ZNF407: variants seen among roughly 807,000 people sequenced by gnomAD.
ZNF407 encodes zinc finger protein 407.
ZNF407 carries 17 observed loss-of-function variants against 131.2 expected under a neutral mutation model. The ratio of observed to expected loss-of-function variants is 0.13; its 90% CI spans 0.09 to 0.19. The LOEUF is 0.19. Among genes scored for constraint, ZNF407 ranks in the 10% least tolerant of loss-of-function variants. The pLI is 1.00. For missense variants in ZNF407, 2,681 were observed against 2,830.6 expected (o/e 0.95, Z 1.20); for synonymous variants, 1,156 against 1,062.0 (o/e 1.09, Z -1.72).
intron 3 of ZNF407, among the ~76,000 whole-genome samples, chr18:74,764,811 TAATA>T (rs1969191194): frequency 6.6e-6 from 1 of 152,222 alleles, no homozygotes; most frequent in African/African-American, 2.4e-5. Context: ...AACAACCAGT[TAATA>T]AATATTGTAT....
chr18:74,649,576 A>G (rs1486355312), intron 3 of ZNF407, among the ~76,000 whole-genome samples: 21 of 152,224 alleles, frequency 1.4e-4, no homozygotes, highest in Admixed American at 1.4e-3. Context: ...TATTTTAAAA[A>G]TAGGGTTTTA....
rs1268122345 is a variant in ZNF407, at chr18:75,048,009, A to G, written c.5429-15141A>G. Among the ~76,000 whole-genome samples, 1 of 152,248 alleles carries G rather than the reference A, an allele frequency of 6.6e-6. No individual in the cohort carries two copies. Among genetic ancestry groups the G allele is most frequent in the Non-Finnish European group, 1.5e-5 (1 of 68,040 alleles). On this transcript the variant is annotated intron_variant, in intron 8 of 8. Transcript: ENST00000299687. This position sits in a 1 kb window ranked among gnomAD's most constrained non-coding sequence, Gnocchi z 4.1. Reference sequence around the variant, plus strand: ...CTGCCTTTCTTTTCTTCGTTATAGTAATGAAGCCACTAATCAGACAGCCTT... The same window carrying G: ...CTGCCTTTCTTTTCTTCGTTATAGTGATGAAGCCACTAATCAGACAGCCTT...
intron 8 of ZNF407, among the ~76,000 whole-genome samples, chr18:75,059,066 G>A (rs1973594981): frequency 6.6e-6 from 1 of 152,170 alleles, no homozygotes; most frequent in South Asian, 2.1e-4. Flanking sequence ...CGTGTGCGGA[G>A]GTGAGGACAT....
intron 4 of ZNF407, among the ~76,000 whole-genome samples, chr18:74,868,194 G>A (rs1971039735): frequency 6.6e-6 from 1 of 152,192 alleles, no homozygotes; most frequent in Non-Finnish European, 1.5e-5. Flanking sequence ...TAGGTATATA[G>A]CTTGAAGCAC....
intron 1 of ZNF407, among the ~76,000 whole-genome samples, chr18:74,614,085 A>G (rs755663527): frequency 1.3e-5 from 2 of 152,220 alleles, no homozygotes; most frequent in Non-Finnish European, 2.9e-5. Flanking sequence ...CACTTATAAA[A>G]TGAGGAATAG....
chr18:74,860,020 A>G (rs574417360), intron 4 of ZNF407, among the ~76,000 whole-genome samples: 1 of 152,324 alleles, frequency 6.6e-6, no homozygotes, highest in South Asian at 2.1e-4. Flanking sequence ...TTAAAAGAGA[A>G]TATGGCCAGG....
chr18:74,863,251 C>T (rs868772375), intron 4 of ZNF407, among the ~76,000 whole-genome samples: 9 of 151,292 alleles, frequency 5.9e-5, no homozygotes, highest in African/African-American at 2.4e-5. Context: ...GTATTTCATA[C>T]TTCCACCTCT....
intron 3 of ZNF407, among the ~76,000 whole-genome samples, chr18:74,688,262 T>C (rs949749794): frequency 2.6e-5 from 4 of 152,210 alleles, no homozygotes; most frequent in Non-Finnish European, 4.4e-5. Context: ...TTGAATGTTA[T>C]GCTAGCTACT....
intron 4 of ZNF407, among the ~76,000 whole-genome samples, chr18:74,783,613 T>C (rs1180746182): frequency 6.6e-6 from 1 of 152,146 alleles, no homozygotes; most frequent in Non-Finnish European, 1.5e-5. Context: ...TTCTTTAATA[T>C]TTATTTCTGT....
At chr18:74,620,344 T>G (rs1160151731) in intron 1 of ZNF407, among the ~76,000 whole-genome samples, 1 of 152,200 alleles carries the variant, frequency 6.6e-6, no homozygotes, top group African/African-American at 2.4e-5. Context: ...TACATCTGCA[T>G]GAAGAGTGCT....
intron 8 of ZNF407, among the ~76,000 whole-genome samples, chr18:74,953,499 T>C (rs904886287): frequency 5.3e-5 from 8 of 152,204 alleles, no homozygotes; most frequent in African/African-American, 1.7e-4. Flanking sequence ...TTGGATTTTT[T>C]TAAACTTCCA....
At chr18:74,822,621 T>C (rs953220360) in intron 4 of ZNF407, among the ~76,000 whole-genome samples, 1 of 152,208 alleles carries the variant, frequency 6.6e-6, no homozygotes, top group African/African-American at 2.4e-5. Flanking sequence ...TCCATTGGTC[T>C]ATATCTCTGT....
At chr18:74,615,925 A>G (rs913815545) in intron 1 of ZNF407, among the ~76,000 whole-genome samples, 5 of 152,026 alleles carry the variant, frequency 3.3e-5, no homozygotes, top group East Asian at 3.9e-4. Flanking sequence ...GTGCAATGGC[A>G]TGATCTCGGC....
chr18:74,823,601 A>C (rs1421949495), intron 4 of ZNF407, among the ~76,000 whole-genome samples: 2 of 152,244 alleles, frequency 1.3e-5, no homozygotes, highest in African/African-American at 4.8e-5. Context: ...AACAAAGATC[A>C]AAAGAGACAA....
intron 4 of ZNF407, among the ~76,000 whole-genome samples, chr18:74,847,819 T>G (rs1970722614): frequency 6.6e-6 from 1 of 151,712 alleles, no homozygotes; most frequent in South Asian, 2.1e-4. Flanking sequence ...TAATCATGTT[T>G]ATTCTATGAT....
chr18:74,697,490 T>C (rs6566088), intron 3 of ZNF407, among the ~76,000 whole-genome samples: 9 of 152,292 alleles, frequency 5.9e-5, no homozygotes, highest in African/African-American at 2.2e-4. Flanking sequence ...GTCTCTGAGC[T>C]TAAATTATTT....
chr18:74,803,432 A>G (rs1398249107), intron 4 of ZNF407, among the ~76,000 whole-genome samples: 1 of 152,210 alleles, frequency 6.6e-6, no homozygotes, highest in African/African-American at 2.4e-5. Flanking sequence ...GGACCTGGTT[A>G]TCAATGGGCA....
At chr18:74,785,705 C>T (rs1969690361) in intron 4 of ZNF407, among the ~76,000 whole-genome samples, 1 of 152,112 alleles carries the variant, frequency 6.6e-6, no homozygotes, top group South Asian at 2.1e-4. Flanking sequence ...ATGAAAATAT[C>T]TGAAACAGCA....
rs1970171429 is a variant in ZNF407 at position 74,810,001 on chromosome 18, G to A, written c.4877+28499G>A. Among the ~76,000 whole-genome samples, 5 of 152,330 alleles carry A rather than the reference G, an allele frequency of 3.3e-5. No individual in the cohort carries two copies. The South Asian group carries it at 8.3e-4, about 25-fold the overall frequency. ...GCCTTTAACTGAGATGCAAAAGACT[G>A]TGAGAGGAACTCATTTTGAGCAGTC... is the stretch of plus-strand genomic sequence containing the variant. On this transcript the variant is annotated intron_variant, in intron 4 of 8. Transcript: ENST00000299687.
Sources: allele counts gnomAD v4.1 joint callset (sites outside exome capture counted in the v4.1 genomes callset), GRCh38; gene constraint gnomAD v4.1.1; non-coding constraint Gnocchi (gnomAD v3.1); transcripts MANE v1.5; gene names NCBI Gene and HGNC (gene_info 2026-07-23, HGNC 2026-07-21).